KANSL1: variants seen among roughly 807,000 people sequenced by gnomAD.
The protein encoded by KANSL1 is MLL1/MLL complex subunit KANSL1.
KANSL1 carries 22 observed loss-of-function variants against 103.6 expected under a neutral mutation model. The ratio of observed to expected loss-of-function variants is 0.21; its 90% CI spans 0.15 to 0.30. The LOEUF (loss-of-function observed/expected upper bound fraction) is 0.30, where lower values mean the gene tolerates loss of function less well. Among genes scored for constraint, KANSL1 ranks in the 10% least tolerant of loss-of-function variants. The pLI, the probability that KANSL1 is intolerant of heterozygous loss-of-function variation, is 1.00. For synonymous variants in KANSL1, 600 were observed against 527.6 expected (o/e 1.14, Z -1.88); for missense variants, 1,337 against 1,399.8 (o/e 0.96, Z 0.72).
chr17:46,194,917 T>C (rs1474587185), upstream of KANSL1, among the ~76,000 whole-genome samples: 3 of 152,244 alleles, frequency 2.0e-5, no homozygotes, highest in Non-Finnish European at 4.4e-5. Flanking sequence ...TTTGTACTCC[T>C]AAAATCACAC....
intron 1 of KANSL1, among the ~76,000 whole-genome samples, chr17:46,175,590 T>C (rs981040776): frequency 6.6e-6 from 1 of 152,188 alleles, no homozygotes; most frequent in African/African-American, 2.4e-5. Flanking sequence ...CCTCAGGTGA[T>C]CCGCTTGCCT....
At chr17:46,040,111 A>G in intron 7 of KANSL1, 1 of 439,442 alleles carries the variant, frequency 2.3e-6, no homozygotes. Flanking sequence ...AAACAAAACA[A>G]GACACCTTTT....
chr17:46,179,233 T>C (rs895715354), intron 1 of KANSL1, among the ~76,000 whole-genome samples: 4 of 152,140 alleles, frequency 2.6e-5, no homozygotes, highest in African/African-American at 9.7e-5. Context: ...TACACACACA[T>C]ATATATACTC....
intron 2 of KANSL1, among the ~76,000 whole-genome samples, chr17:46,099,482 A>G (rs1357901758): frequency 6.6e-6 from 1 of 152,228 alleles, no homozygotes; most frequent in African/African-American, 2.4e-5. Context: ...AACATTAGGG[A>G]CATGTTTAAT....
intron 2 of KANSL1, among the ~76,000 whole-genome samples, chr17:46,153,930 CTTTAAAT>C (rs2045272096): frequency 2.0e-5 from 3 of 152,196 alleles, no homozygotes; most frequent in Admixed American, 6.5e-5. Context: ...TATGTAAGGG[CTTTAAAT>C]AAAGAGAAAA....
At chr17:46,147,569 C>CTTT (rs138522154) in intron 2 of KANSL1, among the ~76,000 whole-genome samples, 1 of 89,752 alleles carries the variant, frequency 1.1e-5, no homozygotes, top group Non-Finnish European at 2.2e-5. Flanking sequence ...GAGTGAGACT[C>CTTT]TTTAAAAAAA....
At chr17:46,215,950 G>A (rs759183225) in intron 1 of KANSL1, among the ~76,000 whole-genome samples, 6 of 152,190 alleles carry the variant, frequency 3.9e-5, no homozygotes, top group Non-Finnish European at 7.3e-5. Flanking sequence ...TGAGGCAAGA[G>A]AGTCGCTGGA....
chr17:46,097,400 C>G (rs951570177), intron 2 of KANSL1, among the ~76,000 whole-genome samples: 1 of 152,124 alleles, frequency 6.6e-6, no homozygotes, highest in Non-Finnish European at 1.5e-5. Flanking sequence ...CAAAAATAAA[C>G]AAATAAACAT....
At chr17:46,089,190 A>G (rs972356942) in intron 3 of KANSL1, among the ~76,000 whole-genome samples, 1 of 152,234 alleles carries the variant, frequency 6.6e-6, no homozygotes, top group Non-Finnish European at 1.5e-5. Flanking sequence ...TTAAAAAACA[A>G]GCTGACAAAC....
chr17:46,141,336 T>C (rs563749007), intron 2 of KANSL1, among the ~76,000 whole-genome samples: 12 of 152,318 alleles, frequency 7.9e-5, no homozygotes, highest in Non-Finnish European at 1.3e-4. Context: ...GACTAAATCA[T>C]TTCACAGAAC....
chr17:46,216,466 G>C (rs948430704), intron 1 of KANSL1, among the ~76,000 whole-genome samples: 1 of 152,028 alleles, frequency 6.6e-6, no homozygotes, highest in African/African-American at 2.4e-5. Context: ...AGATGTGGTG[G>C]CGGGCACCTG....
chr17:46,145,235 A>G (rs143370253), intron 2 of KANSL1, among the ~76,000 whole-genome samples: 212 of 152,348 alleles, frequency 1.4e-3, no homozygotes, highest in Non-Finnish European at 2.5e-3. Context: ...CCATGCTTTA[A>G]AGTCCATGTT....
intron 2 of KANSL1, among the ~76,000 whole-genome samples, chr17:46,166,213 C>CCAAAAA (rs1555573289): frequency 6.3e-5 from 6 of 95,098 alleles, no homozygotes; most frequent in Non-Finnish European, 1.1e-4. Flanking sequence ...GACTCTGTCT[C>CCAAAAA]AAAAAAAAAA....
intron 6 of KANSL1, among the ~76,000 whole-genome samples, chr17:46,060,679 T>C (rs1476746056): frequency 6.6e-6 from 1 of 152,242 alleles, no homozygotes; most frequent in Non-Finnish European, 1.5e-5. Context: ...ACTCATATTC[T>C]AGTTCATTAG....
chr17:46,103,447 A>G (rs2042402852), intron 2 of KANSL1, among the ~76,000 whole-genome samples: 1 of 152,228 alleles, frequency 6.6e-6, no homozygotes. Context: ...TTAAGAATAT[A>G]TACCAGTATA....
At chr17:46,045,952 G>A (rs544597378) in intron 7 of KANSL1, 1 of 152,328 alleles carries the variant, frequency 6.6e-6, no homozygotes, top group African/African-American at 2.4e-5. Context: ...CCTTCTTCAA[G>A]TATGAGACTA....
intron 3 of KANSL1, chr17:46,093,798 A>G (rs1281823978): frequency 6.6e-6 from 1 of 152,204 alleles, no homozygotes; most frequent in Non-Finnish European, 1.5e-5. Context: ...AGCCACACCA[A>G]GCTAATATAA....
chr17:46,093,739 AG>A (rs1024064971), intron 3 of KANSL1: 1 of 152,268 alleles, frequency 6.6e-6, no homozygotes, highest in Non-Finnish European at 1.5e-5. Context: ...CCTTATTTTT[AG>A]TAGCAATAGA....
chr17:46,159,105 C>CT, intron 2 of KANSL1, among the ~76,000 whole-genome samples: 1 of 152,204 alleles, frequency 6.6e-6, no homozygotes, highest in Non-Finnish European at 1.5e-5. Flanking sequence ...TGCACTAACT[C>CT]TATGGACCCT....
Sources: allele counts gnomAD v4.1 joint callset (sites outside exome capture counted in the v4.1 genomes callset), GRCh38; gene constraint gnomAD v4.1.1; transcripts MANE v1.5; gene names NCBI Gene and HGNC (gene_info 2026-07-23, HGNC 2026-07-21).